The following PAPSS2 variants were observed in gnomAD, a reference collection of about 807,000 sequenced individuals.
The protein encoded by PAPSS2 is 3'-phosphoadenosine 5'-phosphosulfate synthase 2.
In PAPSS2, 61 loss-of-function variants were observed where a neutral mutation model predicts 66.5. The ratio of observed to expected loss-of-function variants is 0.92; its 90% CI spans 0.75 to 1.14. PAPSS2 has a LOEUF of 1.14. Ranked by LOEUF, PAPSS2 falls within the 50% of genes most tolerant of loss-of-function variation. The probability of loss-of-function intolerance (pLI) is 0.00; values close to 1 mark genes in which losing one functional copy is unlikely to be tolerated. For synonymous variants in PAPSS2, 289 were observed against 287.5 expected (o/e 1.01, Z -0.05); for missense variants, 708 against 789.6 (o/e 0.90, Z 1.24).
At chr10:87,701,402 CT>C (rs1204307108) in intron 1 of PAPSS2, among the ~76,000 whole-genome samples, 1 of 82,812 alleles carries the variant, frequency 1.2e-5, no homozygotes, top group Non-Finnish European at 2.2e-5. Flanking sequence ...CTTTCTCTTT[CT>C]TTCTCTCTCT....
chr10:87,666,533 G>A (rs1356826670), intron 1 of PAPSS2, among the ~76,000 whole-genome samples: 1 of 151,736 alleles, frequency 6.6e-6, no homozygotes, highest in Non-Finnish European at 1.5e-5. Context: ...GCTACAGTGT[G>A]GAGTGGGGAG....
chr10:87,742,476 T>A (rs996179735), intron 10 of PAPSS2, among the ~76,000 whole-genome samples: 1 of 152,190 alleles, frequency 6.6e-6, no homozygotes, highest in African/African-American at 2.4e-5. Flanking sequence ...ATAGGATTGG[T>A]GATTTTTATA....
intron 1 of PAPSS2, among the ~76,000 whole-genome samples, chr10:87,705,979 G>A (rs1235877009): frequency 1.3e-5 from 2 of 150,240 alleles, no homozygotes; most frequent in African/African-American, 2.5e-5. Context: ...TGATCTGCCC[G>A]CCTCGGCCTC....
At chr10:87,739,499 A>AT in intron 9 of PAPSS2, among the ~76,000 whole-genome samples, 1 of 152,280 alleles carries the variant, frequency 6.6e-6, no homozygotes, top group East Asian at 1.9e-4. Context: ...AAGTTGTCCG[A>AT]TTTTTCCCCC....
chr10:87,714,500 A>G (rs1290108302), intron 4 of PAPSS2, among the ~76,000 whole-genome samples: 1 of 152,078 alleles, frequency 6.6e-6, no homozygotes, highest in African/African-American at 2.4e-5. Context: ...TTTGATTGTA[A>G]TCATCTATAG....
At chr10:87,718,472 CCCATTAATACTTGAAGCCTACTAGTT>C (rs1429166420) in intron 7 of PAPSS2, among the ~76,000 whole-genome samples, 1 of 152,226 alleles carries the variant, frequency 6.6e-6, no homozygotes, top group African/African-American at 2.4e-5. Context: ...AGGTTACCTT[CCCATTAATACTTGAAGCCTACTAGTT>C]CCAAGCCCCT....
chr10:87,683,841 C>T (rs1383450410), intron 1 of PAPSS2, among the ~76,000 whole-genome samples: 1 of 152,044 alleles, frequency 6.6e-6, no homozygotes, highest in Non-Finnish European at 1.5e-5. Flanking sequence ...AGGTGCAAAC[C>T]ACCACACACA....
chr10:87,695,570 A>G (rs974885446), intron 1 of PAPSS2, among the ~76,000 whole-genome samples: 11 of 152,228 alleles, frequency 7.2e-5, no homozygotes, highest in African/African-American at 2.4e-4. Flanking sequence ...CAGCCAGCTT[A>G]CTGCCTACTG....
intron 1 of PAPSS2, among the ~76,000 whole-genome samples, chr10:87,702,830 A>T (rs535483657): frequency 7.3e-4 from 111 of 152,090 alleles, no homozygotes; most frequent in African/African-American, 2.6e-3. Flanking sequence ...CCCTTCCATG[A>T]CACTCCTCCC....
chr10:87,745,816 T>C lies in PAPSS2; in HGVS notation c.1722-16T>C. On this transcript the variant is annotated splice_polypyrimidine_tract_variant and intron_variant, in intron 12 of 12. Transcript: ENST00000456849. ...CATTTACCTACACTGAGTTCTTTGTTGCCACCCTGTAACAGGCACAATGAG... is the reference window on the plus strand; with the variant it reads ...CATTTACCTACACTGAGTTCTTTGTCGCCACCCTGTAACAGGCACAATGAG... 1 of 1,613,970 alleles carries C rather than the reference T, an allele frequency of 6.2e-7. No individual in the cohort carries two copies. Among genetic ancestry groups the C allele is most frequent in the Non-Finnish European group, 8.5e-7 (1 of 1,179,870 alleles).
chr10:87,675,348 A>C (rs1046386136), intron 1 of PAPSS2, among the ~76,000 whole-genome samples: 2 of 152,228 alleles, frequency 1.3e-5, no homozygotes, highest in Non-Finnish European at 2.9e-5. Context: ...GTTTGCATTA[A>C]AAAGATTCGC....
chr10:87,697,994 G>A (rs550270243), intron 1 of PAPSS2, among the ~76,000 whole-genome samples: 1 of 152,052 alleles, frequency 6.6e-6, no homozygotes, highest in African/African-American at 2.4e-5. Context: ...TGCCCTCTAG[G>A]GTTTTCCAAC....
At chr10:87,730,009 A>G (rs1412356789) in intron 9 of PAPSS2, among the ~76,000 whole-genome samples, 1 of 152,218 alleles carries the variant, frequency 6.6e-6, no homozygotes, top group Non-Finnish European at 1.5e-5. Flanking sequence ...AAAATAAGAA[A>G]AAGAAATTTG....
intron 1 of PAPSS2, among the ~76,000 whole-genome samples, chr10:87,706,098 A>ATGTGTG (rs1408888630): frequency 2.0e-4 from 17 of 83,400 alleles, no homozygotes; most frequent in African/African-American, 1.1e-3. Flanking sequence ...ATATATATAT[A>ATGTGTG]TATATATATA....
Position 87,741,295 on chromosome 10 carries a change from A to C in PAPSS2, c.1147A>C (p.Arg383=). Residue 383 remains arginine, a synonymous_variant, in exon 10 of 13, where the codon AGA becomes CGA. Transcript: ENST00000456849. ...AGACCTTCAGGTGCTGGAGAAAATA[A>C]GATGGAATGATGGGCTGGACCAATA... The part of the protein sequence containing the change: ...GGDLQVLEKI[R]WNDGLDQYRL... 1 of 1,613,820 alleles carries C rather than the reference A, an allele frequency of 6.2e-7. No homozygotes were observed. Among genetic ancestry groups the C allele is most frequent in the Non-Finnish European group, 8.5e-7 (1 of 1,179,682 alleles).
intron 7 of PAPSS2, 158 bp downstream of exon 7, chr10:87,716,001 G>A (rs2131712070): frequency 1.5e-6 from 1 of 666,724 alleles, no homozygotes; most frequent in East Asian, 2.7e-5. Flanking sequence ...TTATGTTTAA[G>A]CTTCCATTTT....
At chr10:87,719,126 T>C (rs749443804) in intron 7 of PAPSS2, among the ~76,000 whole-genome samples, 36 of 152,154 alleles carry the variant, frequency 2.4e-4, no homozygotes, top group Non-Finnish European at 4.6e-4. Context: ...CTGTGTAAAT[T>C]GATAATAAAA....
intron 1 of PAPSS2, among the ~76,000 whole-genome samples, chr10:87,690,709 TA>T (rs1481578508): frequency 1.3e-5 from 2 of 152,216 alleles, no homozygotes; most frequent in Non-Finnish European, 2.9e-5. Context: ...TAATTATCAT[TA>T]AAAACAACTA....
At chr10:87,712,446 A>T (rs995993336) in intron 2 of PAPSS2, among the ~76,000 whole-genome samples, 3 of 152,158 alleles carry the variant, frequency 2.0e-5, no homozygotes, top group African/African-American at 7.2e-5. Flanking sequence ...CTGGATTTGT[A>T]TACACAACTT....
Sources: allele counts gnomAD v4.1 joint callset (sites outside exome capture counted in the v4.1 genomes callset), GRCh38; gene constraint gnomAD v4.1.1; transcripts MANE v1.5; gene names NCBI Gene and HGNC (gene_info 2026-07-23, HGNC 2026-07-21).